Variants in CYTH4 observed in about 807,000 individuals in gnomAD.
The protein encoded by CYTH4 is cytohesin 4.
A neutral mutation model predicts 57.5 loss-of-function variants in CYTH4; 22 were observed. The observed-to-expected ratio is 0.38, with a 90% CI of 0.27 to 0.55. The LOEUF is 0.55. Ranked by LOEUF, CYTH4 falls within the 20% of genes least tolerant of loss-of-function variation. The pLI, the probability that CYTH4 is intolerant of heterozygous loss-of-function variation, is 0.74. For synonymous variants in CYTH4, 186 were observed against 206.5 expected, an observed-to-expected ratio of 0.90 and a Z score of 0.85; for missense variants, 420 against 535.6, an observed-to-expected ratio of 0.78 and a Z score of 2.13.
chr22:37,314,706 A>G lies in CYTH4; in HGVS notation c.*1195A>G, dbSNP rs1053356299. 3 of 326,550 alleles carry G rather than the reference A, an allele frequency of 9.2e-6. No individual in the cohort carries two copies. Among genetic ancestry groups the G allele is most frequent in the African/African-American group, 6.4e-5 (3 of 47,106 alleles). The allele number at this position is 326,550 out of a possible 1,614,324, so 20.2% of individuals were successfully genotyped here. A position where few individuals can be genotyped will look rare whatever the true frequency, so the allele number is the denominator to read the frequency against. The stretch of plus-strand genomic sequence containing the variant: ...CCAGGGAGGCCTGGCCTGGAGGAGG[A>G]GTCCACTAACAGGAAACACTTCTCA... On this transcript the variant is annotated 3_prime_UTR_variant, in exon 13 of 13. Transcript: ENST00000248901.
chr22:37,294,564 C>T (rs1009231082), intron 2 of CYTH4, 96 bp from the exon 3 acceptor site: 10 of 1,391,688 alleles, frequency 7.2e-6, no homozygotes, highest in African/African-American at 7.1e-5. Flanking sequence ...GTTTGAGAGT[C>T]GTGCCCAGGG....
At chr22:37,304,329 G>C (rs1436394029) in intron 8 of CYTH4, 1 of 454,824 alleles carries the variant, frequency 2.2e-6, no homozygotes, top group African/African-American at 2.0e-5. Context: ...GGTGGGGCCA[G>C]AGGGTCCAGG....
At chr22:37,283,245 T>C (rs1276226162) in intron 1 of CYTH4, among the ~76,000 whole-genome samples, 1 of 152,034 alleles carries the variant, frequency 6.6e-6, no homozygotes, top group Non-Finnish European at 1.5e-5. Flanking sequence ...CCTCCCCAGC[T>C]ACTAAGACAA....
chr22:37,308,734 G>C (rs557552904), intron 8 of CYTH4, among the ~76,000 whole-genome samples: 1 of 151,948 alleles, frequency 6.6e-6, no homozygotes, highest in African/African-American at 2.4e-5. Flanking sequence ...GTATGTATGA[G>C]TATGCATGCA....
chr22:37,306,661 T>G (rs968786825), intron 8 of CYTH4, among the ~76,000 whole-genome samples: 3 of 152,248 alleles, frequency 2.0e-5, no homozygotes, highest in African/African-American at 7.2e-5. Flanking sequence ...CCTTCAGAAA[T>G]GCTGGCTTCA....
At chr22:37,310,849 G>C (rs923476288) in intron 9 of CYTH4, 139 bp from the exon 10 acceptor site, 15 of 760,270 alleles carry the variant, frequency 2.0e-5, no homozygotes, top group South Asian at 1.3e-4. Context: ...ATAGATGTTG[G>C]GGGGAGGTGT....
intron 9 of CYTH4, chr22:37,310,104 C>A (rs760125116): frequency 1.6e-5 from 7 of 439,212 alleles, no homozygotes; most frequent in Non-Finnish European, 2.9e-5. Flanking sequence ...GAGCCTCCAG[C>A]ACCTCCTGTC....
intron 2 of CYTH4, 139 bp downstream of exon 2, chr22:37,292,842 C>T: frequency 1.3e-6 from 1 of 756,178 alleles, no homozygotes. Flanking sequence ...GCCCCAGCCC[C>T]AGGAGCAGGG....
intron 9 of CYTH4, among the ~76,000 whole-genome samples, chr22:37,310,246 G>A (rs1029383461): frequency 6.6e-6 from 1 of 151,882 alleles, no homozygotes; most frequent in African/African-American, 2.4e-5. Context: ...CGTGCTGTCC[G>A]CCCCCGAGAA....
chr22:37,314,108 TC>T lies in CYTH4; in HGVS notation c.*600del, dbSNP rs1929759444. The T allele has an allele frequency of 2.8e-6, 1 of 359,446 alleles. No individual in the cohort carries two copies. The highest frequency in any genetic ancestry group is 4.6e-5 in the Admixed American group (1 of 21,594). 22.3% of individuals were successfully genotyped at this position (359,446 alleles called of 1,614,324 possible). ...AGGAGCCCGGACCCCACGAGCTCAG[TC>T]CCAGCTCTGCCTCTGACTCGCTGTG... On this transcript the variant is annotated 3_prime_UTR_variant, in exon 13 of 13. Coordinates refer to ENST00000248901, the MANE Select transcript of CYTH4 (RefSeq NM_013385.5).
intron 8 of CYTH4, among the ~76,000 whole-genome samples, chr22:37,308,924 G>A (rs1929529490): frequency 6.6e-6 from 1 of 151,986 alleles, no homozygotes; most frequent in Non-Finnish European, 1.5e-5. Flanking sequence ...ATATATGTGT[G>A]TTTGAGGGGC....
Position 37,313,619 on chromosome 22 carries a change from A to T in CYTH4, c.*108A>T. 2 of 1,023,414 alleles carry T rather than the reference A, an allele frequency of 2.0e-6. No individual in the cohort carries two copies. Among genetic ancestry groups the T allele is most frequent in the Non-Finnish European group, 3.0e-6 (2 of 664,772 alleles). 63.4% of individuals were successfully genotyped at this position (1,023,414 alleles called of 1,614,324 possible). A position where few individuals can be genotyped will look rare whatever the true frequency, so the allele number is the denominator to read the frequency against. On this transcript the variant is annotated 3_prime_UTR_variant, in exon 13 of 13. Transcript: ENST00000248901. ...TGCACTCTTTTGGGCCACAGACATC[A>T]TTGCTGTTCCCCGTTACCTCGAGCT...
chr22:37,300,885 C>T (rs1249806784), intron 6 of CYTH4, 22 bp from the exon 7 acceptor site: 11 of 1,606,176 alleles, frequency 6.8e-6, no homozygotes, highest in East Asian at 2.2e-5. Context: ...CTCCACTGCC[C>T]GTGGCCCCGT....
rs74467033 is a variant in CYTH4 at position 37,295,746 on chromosome 22, C to T, written c.168-253C>T. ...CAGGGCCCCTCCACCTTCTCCCACA[C>T]GGCAGCTCCGGGTTCCTGCAAGCTG... On this transcript the variant is annotated intron_variant, in intron 3 of 12. Transcript: ENST00000248901. The surrounding 1 kb of genome is among the most constrained non-coding windows in gnomAD (Gnocchi z 4.1). Among the ~76,000 whole-genome samples the T allele has an allele frequency of 1.3e-5, 2 of 152,222 alleles. No individual in the cohort carries two copies. Among genetic ancestry groups the T allele is most frequent in the African/African-American group, 2.4e-5 (1 of 41,440 alleles).
chr22:37,297,931 G>A (rs1929036801), intron 5 of CYTH4: 1 of 357,744 alleles, frequency 2.8e-6, no homozygotes, highest in African/African-American at 2.1e-5. Context: ...TAAGCCCTGG[G>A]TGTACACCAG....
At chr22:37,289,493 T>C (rs181313846) in intron 1 of CYTH4, among the ~76,000 whole-genome samples, 1 of 152,328 alleles carries the variant, frequency 6.6e-6, no homozygotes, top group Admixed American at 6.5e-5. Flanking sequence ...GCAACCAGCC[T>C]TGGGCATTTT....
At chr22:37,309,391 G>T (rs1324992764) in intron 9 of CYTH4, 68 bp downstream of exon 9, 1 of 1,384,838 alleles carries the variant, frequency 7.2e-7, no homozygotes, top group South Asian at 1.2e-5. Flanking sequence ...ATCGTTGCAT[G>T]CACACTCCTG....
chr22:37,307,332 C>T (rs771287161), intron 8 of CYTH4, among the ~76,000 whole-genome samples: 1 of 152,200 alleles, frequency 6.6e-6, no homozygotes, highest in East Asian at 1.9e-4. Flanking sequence ...CCCCGTCTGC[C>T]CCCCTGCACA....
Position 37,313,695 on chromosome 22 carries a change from G to A in CYTH4, c.*184G>A. 1.6e-6 allele frequency: 1 copy of A among 625,456 alleles called. No individual in the cohort carries two copies. Among genetic ancestry groups the A allele is most frequent in the East Asian group, 2.8e-5 (1 of 35,864 alleles). 38.7% of individuals were successfully genotyped at this position (625,456 alleles called of 1,614,324 possible). A position where few individuals can be genotyped will look rare whatever the true frequency, so the allele number is the denominator to read the frequency against. On this transcript the variant is annotated 3_prime_UTR_variant, in exon 13 of 13. Transcript: ENST00000248901. ...AGGAGGGTGGGTGGGAGCTGCAGTGGGCTCAGAGTCCAGCAATGAGGCCCC... is the reference window on the plus strand; with the variant it reads ...AGGAGGGTGGGTGGGAGCTGCAGTGAGCTCAGAGTCCAGCAATGAGGCCCC...
Sources: gnomAD v4.1 joint callset for allele counts (sites outside exome capture counted in the v4.1 genomes callset) on GRCh38, gnomAD v4.1.1 for gene constraint, Gnocchi (gnomAD v3.1) non-coding constraint, MANE v1.5 for transcripts, NCBI Gene and HGNC (gene_info 2026-07-23, HGNC 2026-07-21) for gene names.